Variants in KANK1 observed in about 807,000 individuals in gnomAD.
KANK1 encodes the protein KN motif and ankyrin repeat domain-containing protein 1.
KANK1 carries 109 observed loss-of-function variants against 106.2 expected under a neutral mutation model. That is an observed-to-expected ratio of 1.03 (90% CI 0.88 to 1.20). The LOEUF (loss-of-function observed/expected upper bound fraction) is 1.20, where lower values mean the gene tolerates loss of function less well. Ranked by LOEUF, KANK1 falls within the 50% of genes most tolerant of loss-of-function variation. The pLI is 0.00. For missense variants in KANK1, 2,399 were observed against 1,710.7 expected (o/e 1.40, Z -7.10); for synonymous variants, 873 against 652.2 (o/e 1.34, Z -5.16).
chr9:646,085 T>G (rs1391654199), intron 1 of KANK1, among the ~76,000 whole-genome samples: 1 of 150,950 alleles, frequency 6.6e-6, no homozygotes, highest in African/African-American at 2.5e-5. Flanking sequence ...CTTTGTTTCC[T>G]TTTGTAAGTT....
chr9:677,191 T>G (rs1041599074), intron 2 of KANK1, among the ~76,000 whole-genome samples, 182 bp downstream of exon 2: 4 of 152,238 alleles, frequency 2.6e-5, no homozygotes, highest in African/African-American at 9.7e-5. Context: ...TGCTTTTATC[T>G]TAGAGTCTTG....
Position 616,157 on chromosome 9 carries a change from T to C in KANK1, c.-83-60733T>C, listed in dbSNP as rs1052500147. Among the ~76,000 whole-genome samples the C allele has an allele frequency of 2.0e-5, 3 of 152,196 alleles. No individual in the cohort carries two copies. The East Asian group carries it at 5.8e-4, about 29-fold the overall frequency. On this transcript the variant is annotated intron_variant, in intron 1 of 11. Transcript: ENST00000382297. Reference sequence around the variant, plus strand: ...GAGTTTCAATCAACAAGATGAAATTTTCAGGTTTAGGTAAACTTAGGAACT... The same window carrying C: ...GAGTTTCAATCAACAAGATGAAATTCTCAGGTTTAGGTAAACTTAGGAACT...
chr9:576,338 C>G (rs950892665), intron 1 of KANK1, among the ~76,000 whole-genome samples: 4 of 152,194 alleles, frequency 2.6e-5, no homozygotes. Context: ...AGCTGGCAGC[C>G]TCCTTGAAGG....
intron 1 of KANK1, among the ~76,000 whole-genome samples, chr9:577,807 G>A (rs1212851327): frequency 1.3e-5 from 2 of 152,130 alleles, no homozygotes; most frequent in Admixed American, 6.5e-5. Flanking sequence ...AGAACCACTG[G>A]CTTTACGCAT....
intron 1 of KANK1, among the ~76,000 whole-genome samples, chr9:576,589 T>C (rs974739960): frequency 6.6e-6 from 1 of 152,202 alleles, no homozygotes; most frequent in African/African-American, 2.4e-5. Flanking sequence ...CTTCGATTCT[T>C]TCACTGGCAA....
chr9:602,648 A>G (rs993569551), intron 1 of KANK1, among the ~76,000 whole-genome samples: 2 of 151,922 alleles, frequency 1.3e-5, no homozygotes, highest in Admixed American at 6.5e-5. Context: ...TCATCATCCT[A>G]TAATAAAGTA....
chr9:495,168 T>A (rs2058438006), intron 3 of KANK1: 1 of 152,192 alleles, frequency 6.6e-6, no homozygotes, highest in African/African-American at 2.4e-5. Context: ...AAAGCAGAAT[T>A]TCGGAGAAGG....
intron 3 of KANK1, among the ~76,000 whole-genome samples, chr9:727,971 C>T (rs1831182067): frequency 3.3e-5 from 5 of 152,168 alleles, no homozygotes; most frequent in Admixed American, 3.3e-4. Context: ...AAGTGTCAAA[C>T]ATGCCTCATT....
intron 1 of KANK1, among the ~76,000 whole-genome samples, chr9:663,093 A>AAGC (rs1843731501): frequency 6.6e-6 from 1 of 152,048 alleles, no homozygotes; most frequent in Admixed American, 6.5e-5. Context: ...TCAATTTAAG[A>AAGC]GTTGATCAGA....
At position 711,038 on chromosome 9, in the gene KANK1, C is replaced by G. The variant is rs781476676; in HGVS notation, c.272C>G (p.Ser91Cys). ...CAAGGTATATGGACTTCCACTGAATCCCTCTCATCCTCCAACAGTGATGAC... is the reference window on the plus strand; with the variant it reads ...CAAGGTATATGGACTTCCACTGAATGCCTCTCATCCTCCAACAGTGATGAC... Reference protein sequence around the residue: ...GQQGIWTSTESLSSSNSDDNK... With the variant: ...GQQGIWTSTECLSSSNSDDNK... Residue 91 changes from serine (S) to cysteine (C), a missense_variant, in exon 3 of 12, where the codon TCC becomes TGC. Coordinates refer to ENST00000382297, the MANE Select transcript of KANK1 (RefSeq NM_015158.5). 1.2e-6 allele frequency: 2 copies of G among 1,614,140 alleles called. No individual in the cohort carries two copies. The highest frequency in any genetic ancestry group is 1.7e-6 in the Non-Finnish European group (2 of 1,180,032).
At chr9:717,646 G>A (rs1372834764) in intron 3 of KANK1, among the ~76,000 whole-genome samples, 1 of 152,108 alleles carries the variant, frequency 6.6e-6, no homozygotes, top group Non-Finnish European at 1.5e-5. Flanking sequence ...AAAAAGTTAA[G>A]AGGAAATGAG....
At chr9:648,167 G>A (rs1840116397) in intron 1 of KANK1, among the ~76,000 whole-genome samples, 1 of 145,422 alleles carries the variant, frequency 6.9e-6, no homozygotes, top group Non-Finnish European at 1.5e-5. Flanking sequence ...CCACGCCTGG[G>A]TAATTTTTAT....
chr9:483,914 G>C (rs146749546), intron 3 of KANK1, among the ~76,000 whole-genome samples: 124 of 152,286 alleles, frequency 8.1e-4, no homozygotes, highest in African/African-American at 2.8e-3. Context: ...GAGACAGAGC[G>C]AGCAGGTATG....
chr9:716,818 A>AT (rs1564066597), intron 3 of KANK1, among the ~76,000 whole-genome samples: 1 of 152,098 alleles, frequency 6.6e-6, no homozygotes, highest in African/African-American at 2.4e-5. Context: ...CTACAAAAAA[A>AT]TTTTTTTTAA....
At chr9:627,387 C>G (rs1037720361) in intron 1 of KANK1, among the ~76,000 whole-genome samples, 2 of 152,144 alleles carry the variant, frequency 1.3e-5, no homozygotes, top group African/African-American at 4.8e-5. Context: ...TCTGCCCCCT[C>G]CTAGCCACAG....
intron 1 of KANK1, among the ~76,000 whole-genome samples, chr9:585,548 T>C (rs1000942563): frequency 4.6e-5 from 7 of 152,158 alleles, no homozygotes; most frequent in Non-Finnish European, 7.3e-5. Flanking sequence ...CCAAAAAATA[T>C]GTAGTTTGTA....
chr9:542,088 CA>C (rs57603321), intron 1 of KANK1, among the ~76,000 whole-genome samples: 74 of 136,830 alleles, frequency 5.4e-4, no homozygotes, highest in Middle Eastern at 3.7e-3. Context: ...GACTCCGTCT[CA>C]AAAAAAAAAA....
chr9:657,893 G>A (rs1370150183), intron 1 of KANK1, among the ~76,000 whole-genome samples: 1 of 151,998 alleles, frequency 6.6e-6, no homozygotes, highest in African/African-American at 2.4e-5. Context: ...TGGTGGTGGT[G>A]TGGGGGTGGT....
At chr9:529,503 A>G (rs946314576) in intron 1 of KANK1, among the ~76,000 whole-genome samples, 5 of 2,356 alleles carry the variant, frequency 2.1e-3, no homozygotes, top group African/African-American at 0.016. Flanking sequence ...CCGGCCTCAT[A>G]CATATTTTTA....
Sources: gnomAD v4.1 joint callset for allele counts (sites outside exome capture counted in the v4.1 genomes callset) on GRCh38, gnomAD v4.1.1 for gene constraint, MANE v1.5 for transcripts, NCBI Gene and HGNC (gene_info 2026-07-23, HGNC 2026-07-21) for gene names.